The following SND1 variants were observed in gnomAD, a reference collection of about 807,000 sequenced individuals.
The protein encoded by SND1 is staphylococcal nuclease and tudor domain containing 1, also known as staphylococcal nuclease domain-containing protein 1.
A neutral mutation model predicts 121.7 loss-of-function variants in SND1; 38 were observed. The observed-to-expected ratio is 0.31, with a 90% CI of 0.24 to 0.41. SND1 has a LOEUF of 0.41. Among genes scored for constraint, SND1 ranks in the 10% least tolerant of loss-of-function variants. The probability of loss-of-function intolerance (pLI) is 1.00; values close to 1 mark genes in which losing one functional copy is unlikely to be tolerated. For synonymous variants in SND1, 401 were observed against 447.4 expected (o/e 0.90, Z 1.31); for missense variants, 868 against 1,184.6 (o/e 0.73, Z 3.92).
At chr7:127,776,793 G>T (rs919053062) in intron 10 of SND1, among the ~76,000 whole-genome samples, 1 of 152,290 alleles carries the variant, frequency 6.6e-6, no homozygotes, top group African/African-American at 2.4e-5. Context: ...TATGTAAATG[G>T]CCAGCAACAG....
intron 1 of SND1, among the ~76,000 whole-genome samples, chr7:127,655,832 C>G (rs1470559792): frequency 1.3e-5 from 2 of 151,774 alleles, no homozygotes; most frequent in African/African-American, 4.8e-5. Context: ...TTTTTTTTCT[C>G]TTTGGGTATG....
At chr7:127,773,547 AAAAG>A (rs1743374826) in intron 10 of SND1, among the ~76,000 whole-genome samples, 1 of 152,182 alleles carries the variant, frequency 6.6e-6, no homozygotes, top group Admixed American at 6.5e-5. Flanking sequence ...TAGGAAAAAA[AAAAG>A]AAAAGGAAAC....
At chr7:127,652,562 C>A in intron 1 of SND1, 111 bp downstream of exon 1, 1 of 888,712 alleles carries the variant, frequency 1.1e-6, no homozygotes, top group Non-Finnish European at 1.7e-6. Context: ...TTTCCTCTGC[C>A]CCCTTCCTCA....
In SND1 at chr7:128,035,683, C is replaced by T. The variant is rs560692712; in HGVS notation, c.1780-38819C>T. ...TTTCCAAATGCCTGTCTAATGTGGG[C>T]TTGTATGCCAGTGCAACTATACTTT... On this transcript the variant is annotated intron_variant, in intron 16 of 23. Transcript: ENST00000354725. 3.3e-5 allele frequency among the ~76,000 whole-genome samples: 5 copies of T among 152,334 alleles called. No individual in the cohort carries two copies. In the East Asian group the frequency reaches 7.7e-4, roughly 23 times the overall value.
rs759842 is a variant in SND1, at chr7:127,787,621, A to T, written c.1153-19863A>T. 4.1e-3 allele frequency among the ~76,000 whole-genome samples: 630 copies of T among 152,314 alleles called. 7 individuals are homozygous for T. The highest frequency in any genetic ancestry group is 0.015 in the African/African-American group (605 of 41,570). On this transcript the variant is annotated intron_variant, in intron 10 of 23. Coordinates refer to ENST00000354725, the MANE Select transcript of SND1 (RefSeq NM_014390.4). The stretch of plus-strand genomic sequence containing the variant: ...TCCTGTTAGCTGCCTGCAGATACAG[A>T]GGACTTTTGAAATTTTGCTCTTTGT...
chr7:127,744,759 A>G (rs200283005), intron 10 of SND1, among the ~76,000 whole-genome samples: 1 of 152,336 alleles, frequency 6.6e-6, no homozygotes, highest in East Asian at 1.9e-4. Flanking sequence ...AAAAAGGGAA[A>G]TGATTTTGGA....
chr7:128,029,318 C>T lies in SND1; in HGVS notation c.1779+38262C>T. 6.2e-7 allele frequency: 1 copy of T among 1,614,146 alleles called. No individual in the cohort carries two copies. Among genetic ancestry groups the T allele is most frequent in the Non-Finnish European group, 8.5e-7 (1 of 1,180,034 alleles). ...TGGAGGTGTTAAGCTCAGCCGTGCT[C>T]ACATTGAGGTAGGCCGAGGCGTTGG... is the stretch of plus-strand genomic sequence containing the variant. On this transcript the variant is annotated intron_variant, in intron 16 of 23. Transcript: ENST00000354725. The surrounding 1 kb of genome is among the most constrained non-coding windows in gnomAD (Gnocchi z 4.2).
chr7:127,892,668 C>T (rs1800031215), intron 13 of SND1, among the ~76,000 whole-genome samples: 1 of 152,140 alleles, frequency 6.6e-6, no homozygotes, highest in Non-Finnish European at 1.5e-5. Context: ...TATGTCCTAG[C>T]AAGATAAGGT....
At chr7:127,824,587 A>G (rs1479773702) in intron 11 of SND1, among the ~76,000 whole-genome samples, 2 of 152,166 alleles carry the variant, frequency 1.3e-5, no homozygotes, top group African/African-American at 4.8e-5. Context: ...CATTGTCCCA[A>G]TTACTTTATC....
At chr7:127,741,110 ACTTCT>A (rs1182652274) in intron 10 of SND1, among the ~76,000 whole-genome samples, 2 of 152,116 alleles carry the variant, frequency 1.3e-5, no homozygotes, top group African/African-American at 2.4e-5. Context: ...ATAGTGTCTG[ACTTCT>A]CTTCTCTGTC....
chr7:128,048,067 C>T (rs1043095245), intron 16 of SND1, among the ~76,000 whole-genome samples: 2 of 152,004 alleles, frequency 1.3e-5, no homozygotes, highest in South Asian at 2.1e-4. Flanking sequence ...AGGCTGGTCT[C>T]GATCTCCTGA....
intron 15 of SND1, among the ~76,000 whole-genome samples, chr7:127,983,961 T>C (rs1469381057): frequency 6.6e-6 from 1 of 152,180 alleles, no homozygotes; most frequent in East Asian, 1.9e-4. Flanking sequence ...GCATTCTCCC[T>C]CCTTTCTTGT....
At position 127,991,011 on chromosome 7, in the gene SND1, C is replaced by T. The variant is rs1486628747; in HGVS notation, c.1734C>T (p.Ser578=). 12 of 1,613,866 alleles carry T rather than the reference C, an allele frequency of 7.4e-6. No homozygotes were observed. The highest frequency in any genetic ancestry group is 5.3e-5 in the African/African-American group (4 of 74,906). ...TGGTGCAGGAAGGAGAGCCCTTCAGCGAGGAAGCTACACTTTTCACCAAGG... is the reference window on the plus strand; with the variant it reads ...TGGTGCAGGAAGGAGAGCCCTTCAGTGAGGAAGCTACACTTTTCACCAAGG... The part of the protein sequence containing the change: ...PGLVQEGEPF[S]EEATLFTKEL... Residue 578 remains serine, a synonymous_variant, in exon 16 of 24, where the codon AGC becomes AGT. Transcript: ENST00000354725.
chr7:127,896,400 A>T (rs1800120344), intron 13 of SND1, among the ~76,000 whole-genome samples: 1 of 152,140 alleles, frequency 6.6e-6, no homozygotes, highest in African/African-American at 2.4e-5. Context: ...TGAATGTCTT[A>T]CAACTTGCTT....
chr7:127,887,831 CTG>C (rs1799940343), intron 12 of SND1, 69 bp from the exon 13 acceptor site: 1 of 995,388 alleles, frequency 1.0e-6, no homozygotes, highest in Non-Finnish European at 1.6e-6. Context: ...CAGGTGCTAA[CTG>C]TTATTATTTC....
At chr7:127,741,874 GT>G (rs1796887406) in intron 10 of SND1, among the ~76,000 whole-genome samples, 1 of 152,068 alleles carries the variant, frequency 6.6e-6, no homozygotes, top group Admixed American at 6.6e-5. Flanking sequence ...TGAGGTAAGG[GT>G]TTCCTTGTTA....
intron 16 of SND1, among the ~76,000 whole-genome samples, chr7:128,041,523 C>G (rs937745985): frequency 6.6e-6 from 1 of 152,210 alleles, no homozygotes; most frequent in African/African-American, 2.4e-5. Context: ...GCAACTCTGT[C>G]TGCAAATGCT....
chr7:127,889,319 G>A (rs1799966919), intron 13 of SND1, among the ~76,000 whole-genome samples: 1 of 151,494 alleles, frequency 6.6e-6, no homozygotes, highest in Middle Eastern at 3.4e-3. Context: ...TGAGAAATGT[G>A]ATCATGATTT....
intron 16 of SND1, among the ~76,000 whole-genome samples, chr7:128,017,833 T>C (rs1803259054): frequency 6.6e-6 from 1 of 152,266 alleles, no homozygotes; most frequent in Admixed American, 6.5e-5. Flanking sequence ...TTTCCACATG[T>C]TAAATGCTTC....
Sources: gnomAD v4.1 joint callset for allele counts (sites outside exome capture counted in the v4.1 genomes callset) on GRCh38, gnomAD v4.1.1 for gene constraint, Gnocchi (gnomAD v3.1) non-coding constraint, MANE v1.5 for transcripts, NCBI Gene and HGNC (gene_info 2026-07-23, HGNC 2026-07-21) for gene names.